The following C1QTNF9 variants were observed in gnomAD, a reference collection of about 807,000 sequenced individuals.
C1QTNF9 encodes the protein complement C1q and tumor necrosis factor-related protein 9A.
C1QTNF9 carries 6 observed loss-of-function variants against 10.1 expected under a neutral mutation model. The observed-to-expected ratio is 0.59, with a 90% CI of 0.32 to 1.17. The LOEUF is 1.17. C1QTNF9 is among the 50% of genes most tolerant of loss of function. C1QTNF9 has a pLI of 0.04. For synonymous variants in C1QTNF9, 98 were observed against 163.5 expected (o/e 0.60, Z 3.06); for missense variants, 201 against 418.8 (o/e 0.48, Z 4.54).
At chr13:24,320,737 G>A (rs1308809525) in intron 3 of C1QTNF9, among the ~76,000 whole-genome samples, 1 of 150,320 alleles carries the variant, frequency 6.7e-6, no homozygotes, top group Non-Finnish European at 1.5e-5. Context: ...TTTTTTTAGA[G>A]TCAGGGTATT....
rs138029470 is a variant in C1QTNF9, at chr13:24,321,715, G to T, written c.949G>T (p.Asp317Tyr). 2.2e-5 allele frequency: 36 copies of T among 1,606,974 alleles called. No homozygotes were observed. The African/African-American group carries it at 4.3e-4, about 19-fold the overall frequency. ...AGAGAGGTTCAATGGCTTGTTTGCT[G>T]ATGAGGACGATGACACAACTTTCAC... The change falls in exon 4 of 4, where the codon GAT becomes TAT. Residue 317 changes from aspartate to tyrosine, a missense_variant. Physicochemically the swap from Asp to Tyr is radical, Grantham distance 160. Transcript: ENST00000332018.
intron 1 of C1QTNF9, among the ~76,000 whole-genome samples, chr13:24,312,768 A>C (rs777287919): frequency 6.6e-6 from 1 of 152,078 alleles, no homozygotes; most frequent in East Asian, 1.9e-4. Context: ...CATCCTGGCT[A>C]ACATGGTGAA....
intron 1 of C1QTNF9, among the ~76,000 whole-genome samples, chr13:24,314,087 G>A (rs1324727993): frequency 6.6e-6 from 1 of 152,158 alleles, no homozygotes; most frequent in Non-Finnish European, 1.5e-5. Flanking sequence ...ACATTAGGAA[G>A]AATTTTAGGG....
At chr13:24,308,394 G>A (rs928568092), upstream of C1QTNF9, among the ~76,000 whole-genome samples, 40 of 152,356 alleles carry the variant, frequency 2.6e-4, 1 homozygote, top group Admixed American at 2.5e-3. Flanking sequence ...GCCCCCAGCG[G>A]AGCTGGGACT....
chr13:24,310,636 G>A (rs1877778135), intron 1 of C1QTNF9, among the ~76,000 whole-genome samples: 1 of 151,778 alleles, frequency 6.6e-6, no homozygotes, highest in Admixed American at 6.6e-5. Context: ...GAAGAAGGCT[G>A]GGCGCGGTGG....
In C1QTNF9 at chr13:24,322,032, T is replaced by G. The variant is rs1366483340; in HGVS notation, c.*264T>G. The G allele has an allele frequency of 9.4e-6, 4 of 424,082 alleles. No individual in the cohort carries two copies. The Admixed American group carries it at 1.3e-4, about 13-fold the overall frequency. The allele number at this position is 424,082 out of a possible 1,614,324, so 26.3% of individuals were successfully genotyped here. A position where few individuals can be genotyped will look rare whatever the true frequency, so the allele number is the denominator to read the frequency against. ...AAGAATCCCTCGTCTGTGCGTTTCT[T>G]GTGGGAAGAGTGTTTTAATATCATT... On this transcript the variant is annotated 3_prime_UTR_variant, in exon 4 of 4. Transcript: ENST00000332018.
chr13:24,310,911 CAAA>C (rs58299891), intron 1 of C1QTNF9, among the ~76,000 whole-genome samples: 9,288 of 82,090 alleles, frequency 0.11, 261 homozygotes, highest in East Asian at 0.26. Context: ...GGCTCTGTCT[CAAA>C]AAAAAAAAAA....
chr13:24,320,803 G>A (rs1225266760), intron 3 of C1QTNF9, among the ~76,000 whole-genome samples, 193 bp from the exon 4 acceptor site: 8 of 151,448 alleles, frequency 5.3e-5, no homozygotes, highest in East Asian at 1.9e-4. Context: ...CTCCTGCCGC[G>A]GTCTCCCAAG....
At chr13:24,319,302 G>A (rs1878158415) in intron 3 of C1QTNF9, among the ~76,000 whole-genome samples, 1 of 152,178 alleles carries the variant, frequency 6.6e-6, no homozygotes, top group African/African-American at 2.4e-5. Context: ...ACTTTGGGAG[G>A]CCCAGGTAAG....
chr13:24,313,002 C>A (rs1308170028), intron 1 of C1QTNF9, among the ~76,000 whole-genome samples: 1 of 150,692 alleles, frequency 6.6e-6, no homozygotes, highest in African/African-American at 2.4e-5. Context: ...TAGGTGGTGA[C>A]CACGTCTCTA....
intron 1 of C1QTNF9, chr13:24,315,780 C>T: frequency 1.7e-6 from 1 of 573,432 alleles, no homozygotes; most frequent in Non-Finnish European, 3.0e-6. Flanking sequence ...TGGTTCCAAT[C>T]ACAAGTGTTA....
intron 3 of C1QTNF9, among the ~76,000 whole-genome samples, chr13:24,320,025 G>A (rs1241228245): frequency 6.6e-6 from 1 of 152,172 alleles, no homozygotes; most frequent in Non-Finnish European, 1.5e-5. Flanking sequence ...GTGCAAGGAA[G>A]CAGCAAGGTT....
chr13:24,308,338 A>C (rs1374090206), upstream of C1QTNF9, among the ~76,000 whole-genome samples: 3 of 152,330 alleles, frequency 2.0e-5, no homozygotes, highest in South Asian at 6.2e-4. Context: ...CAGGGGTCAG[A>C]GACCAGCCAC....
At chr13:24,308,247 G>A (rs1877673325), upstream of C1QTNF9, among the ~76,000 whole-genome samples, 1 of 152,242 alleles carries the variant, frequency 6.6e-6, no homozygotes, top group African/African-American at 2.4e-5. Context: ...CGGGAAGCGG[G>A]GAAGGGCCGG....
chr13:24,314,834 C>A (rs1877967353), intron 1 of C1QTNF9, among the ~76,000 whole-genome samples: 1 of 142,740 alleles, frequency 7.0e-6, no homozygotes, highest in African/African-American at 2.6e-5. Flanking sequence ...TGGAGCAAGA[C>A]CTTGTCTCCA....
chr13:24,309,283 T>TTATATATATATA (rs72150411), upstream of C1QTNF9, among the ~76,000 whole-genome samples: 178 of 68,260 alleles, frequency 2.6e-3, 17 homozygotes, highest in African/African-American at 5.0e-3. Flanking sequence ...ACTTAAAGTA[T>TTATATATATATA]TATATATATA....
intron 1 of C1QTNF9, 44 bp downstream of exon 1, chr13:24,309,660 A>G (rs1877736812): frequency 6.6e-6 from 1 of 152,168 alleles, no homozygotes; most frequent in African/African-American, 2.4e-5. Context: ...AATTTAAGCC[A>G]TCTAGGTCCT....
intron 1 of C1QTNF9, among the ~76,000 whole-genome samples, chr13:24,311,225 A>G (rs1877809091): frequency 6.6e-6 from 1 of 152,234 alleles, no homozygotes; most frequent in Non-Finnish European, 1.5e-5. Context: ...TCTTGGAGAA[A>G]ATTAATCAGG....
At chr13:24,307,843 A>G (rs1454760520), upstream of C1QTNF9, among the ~76,000 whole-genome samples, 1 of 152,198 alleles carries the variant, frequency 6.6e-6, no homozygotes, top group Non-Finnish European at 1.5e-5. Context: ...GCTGGAGTGA[A>G]CCCAGCTGAA....
Sources: allele counts gnomAD v4.1 joint callset (sites outside exome capture counted in the v4.1 genomes callset), GRCh38; gene constraint gnomAD v4.1.1; transcripts MANE v1.5; gene names NCBI Gene and HGNC (gene_info 2026-07-23, HGNC 2026-07-21).